The following NR2C2 variants were observed in gnomAD, a reference collection of about 807,000 sequenced individuals.
NR2C2 encodes Nuclear hormone receptor TR4.
NR2C2 carries 6 observed loss-of-function variants against 62.9 expected under a neutral mutation model. That is an observed-to-expected ratio of 0.10 (90% CI 0.05 to 0.19). The LOEUF is 0.19. NR2C2 is among the 10% of genes least tolerant of loss of function. The pLI, the probability that NR2C2 is intolerant of heterozygous loss-of-function variation, is 1.00. For missense variants in NR2C2, 479 were observed against 762.7 expected (o/e 0.63, Z 4.38); for synonymous variants, 272 against 273.8 (o/e 0.99, Z 0.07).
intron 1 of NR2C2, among the ~76,000 whole-genome samples, chr3:14,972,129 GA>G (rs1469429063): frequency 4.7e-4 from 68 of 143,910 alleles, no homozygotes; most frequent in Admixed American, 1.8e-3. Flanking sequence ...TTTTAATTAA[GA>G]AAAAAAAGTT....
chr3:14,994,850 G>A (rs916255178), intron 1 of NR2C2, among the ~76,000 whole-genome samples: 6 of 150,976 alleles, frequency 4.0e-5, no homozygotes, highest in Non-Finnish European at 7.4e-5. Flanking sequence ...AGGAGTTCCA[G>A]GCTGCAGTGA....
intron 10 of NR2C2, among the ~76,000 whole-genome samples, chr3:15,033,304 A>G (rs2042025586): frequency 6.6e-6 from 1 of 152,184 alleles, no homozygotes; most frequent in Admixed American, 6.5e-5. Context: ...GGCCTTGTGC[A>G]AGTCACTTTA....
intron 1 of NR2C2, among the ~76,000 whole-genome samples, chr3:14,950,564 C>G (rs2039325220): frequency 7.1e-6 from 1 of 140,756 alleles, no homozygotes; most frequent in Non-Finnish European, 1.5e-5. Context: ...GATATTGGCT[C>G]AAGCATCACT....
At position 15,042,888 on chromosome 3, in the gene NR2C2, A is replaced by G. The variant is rs2042319695; in HGVS notation, c.1671A>G (p.Ile557Met). The G allele has an allele frequency of 6.2e-7, 1 of 1,614,038 alleles. No individual in the cohort carries two copies. The change falls in exon 14 of 14, where the codon ATA (isoleucine) becomes ATG (methionine). Residue 557 changes from isoleucine to methionine, a missense_variant. Transcript: ENST00000425241. Reference protein sequence around the residue: ...LPALRLMSSNITEELFFTGLI... With the variant: ...LPALRLMSSNMTEELFFTGLI... Reference sequence around the variant, plus strand: ...CACTCAGGCTGATGAGCTCCAACATAACAGAAGAACTTTTTTTTACTGGTC... The same window carrying G: ...CACTCAGGCTGATGAGCTCCAACATGACAGAAGAACTTTTTTTTACTGGTC...
At chr3:15,021,300 A>G (rs1024458575) in intron 5 of NR2C2, among the ~76,000 whole-genome samples, 2 of 152,194 alleles carry the variant, frequency 1.3e-5, no homozygotes, top group African/African-American at 2.4e-5. Flanking sequence ...CTCATCTGTG[A>G]TCTACTTAAT....
intron 1 of NR2C2, among the ~76,000 whole-genome samples, chr3:14,950,946 G>C (rs564968162): frequency 6.6e-6 from 1 of 152,318 alleles, no homozygotes; most frequent in East Asian, 1.9e-4. Context: ...ATTTCTGACA[G>C]ATATGCCACT....
intron 1 of NR2C2, among the ~76,000 whole-genome samples, chr3:14,953,710 A>C (rs1266425266): frequency 2.0e-5 from 3 of 152,154 alleles, no homozygotes; most frequent in Non-Finnish European, 4.4e-5. Flanking sequence ...CCTGGCCAAC[A>C]TAGTGAAACC....
At position 15,048,996 on chromosome 3, in the gene NR2C2, C is replaced by G. The variant is rs2042553578; in HGVS notation, c.*5988C>G. ...TGCCAGGTTTAAAACCTGTTGAAAG[C>G]TGCAGCTTTATACAGCTTTCTTCTC... On this transcript the variant is annotated 3_prime_UTR_variant, in exon 14 of 14. Transcript: ENST00000425241. The G allele has an allele frequency of 6.6e-6, 1 of 152,656 alleles. No homozygotes were observed. Among genetic ancestry groups the G allele is most frequent in the Non-Finnish European group, 1.5e-5 (1 of 68,044 alleles). The allele number at this position is 152,656 out of a possible 1,614,324, so 9.5% of individuals were successfully genotyped here. A position where few individuals can be genotyped will look rare whatever the true frequency, so the allele number is the denominator to read the frequency against.
chr3:14,978,793 C>T (rs2040280274), intron 1 of NR2C2, among the ~76,000 whole-genome samples: 1 of 152,186 alleles, frequency 6.6e-6, no homozygotes. Context: ...TGTTTGATGT[C>T]TCAGGGTCTG....
intron 1 of NR2C2, among the ~76,000 whole-genome samples, chr3:14,987,227 C>T (rs192490817): frequency 3.5e-4 from 54 of 152,264 alleles, no homozygotes; most frequent in Admixed American, 3.3e-3. Context: ...GGACTGCAGG[C>T]ACATGCCACC....
At chr3:14,984,211 A>G (rs1242801024) in intron 1 of NR2C2, among the ~76,000 whole-genome samples, 2 of 152,040 alleles carry the variant, frequency 1.3e-5, no homozygotes, top group Admixed American at 6.6e-5. Context: ...TTAATGTTTG[A>G]AGTATCTCCA....
At chr3:14,964,639 C>A (rs1160469146) in intron 1 of NR2C2, among the ~76,000 whole-genome samples, 1 of 151,786 alleles carries the variant, frequency 6.6e-6, no homozygotes, top group Non-Finnish European at 1.5e-5. Flanking sequence ...TTCAGCCTCC[C>A]GAATAGCTGG....
intron 5 of NR2C2, 68 bp from the exon 6 acceptor site, chr3:15,023,132 T>C (rs2041724387): frequency 6.4e-7 from 1 of 1,560,330 alleles, no homozygotes; most frequent in Non-Finnish European, 8.8e-7. Flanking sequence ...GGATTTGGGG[T>C]TTTCCCTTGT....
chr3:15,035,157 G>T (rs1212597722), intron 11 of NR2C2, among the ~76,000 whole-genome samples: 1 of 152,124 alleles, frequency 6.6e-6, no homozygotes, highest in Non-Finnish European at 1.5e-5. Context: ...GCCAGGCCTG[G>T]TGGCATCTGC....
intron 1 of NR2C2, among the ~76,000 whole-genome samples, chr3:14,992,400 A>G (rs2040696792): frequency 1.3e-5 from 2 of 152,184 alleles, no homozygotes. Context: ...GCACAAGAGT[A>G]GAGTAAAGCA....
intron 7 of NR2C2, chr3:15,026,956 T>C (rs1177636905): frequency 6.6e-6 from 1 of 152,366 alleles, no homozygotes; most frequent in Non-Finnish European, 1.5e-5. Context: ...AGCCTCCGCC[T>C]CCCGAGTTCA....
At chr3:14,993,458 A>C (rs2040728278) in intron 1 of NR2C2, among the ~76,000 whole-genome samples, 1 of 152,060 alleles carries the variant, frequency 6.6e-6, no homozygotes, top group Non-Finnish European at 1.5e-5. Flanking sequence ...CCATCTCAAA[A>C]AAAAAAAAAA....
intron 1 of NR2C2, 71 bp downstream of exon 1, chr3:14,947,977 A>C (rs2039177716): frequency 6.7e-6 from 1 of 148,948 alleles, no homozygotes; most frequent in Non-Finnish European, 1.5e-5. Context: ...GCGGACATGG[A>C]GGCGCCGCGG....
chr3:14,976,415 A>G (rs1378130656), intron 1 of NR2C2, among the ~76,000 whole-genome samples: 4 of 152,032 alleles, frequency 2.6e-5, no homozygotes, highest in Non-Finnish European at 4.4e-5. Context: ...TCCAGATACT[A>G]TTTTCTATTC....
Sources: gnomAD v4.1 joint callset for allele counts (sites outside exome capture counted in the v4.1 genomes callset) on GRCh38, gnomAD v4.1.1 for gene constraint, MANE v1.5 for transcripts, NCBI Gene and HGNC (gene_info 2026-07-23, HGNC 2026-07-21) for gene names.